Variants in SLCO6A1 observed in about 807,000 individuals in gnomAD.
SLCO6A1 encodes cancer/testis antigen 48.
Under a neutral mutation model 72.7 loss-of-function variants are expected in SLCO6A1, and 65 were observed. The observed-to-expected ratio is 0.89, with a 90% CI of 0.73 to 1.10. SLCO6A1 has a LOEUF of 1.10. SLCO6A1 is among the 50% of genes least tolerant of loss of function. SLCO6A1 has a pLI of 0.00. For missense variants in SLCO6A1, 874 were observed against 872.6 expected (o/e 1.00, Z -0.02); for synonymous variants, 314 against 298.2 (o/e 1.05, Z -0.55).
intron 4 of SLCO6A1, among the ~76,000 whole-genome samples, chr5:102,473,951 G>T (rs2112809047): frequency 6.6e-6 from 1 of 151,966 alleles, no homozygotes; most frequent in South Asian, 2.1e-4. Flanking sequence ...TTTATGGATT[G>T]AACATGATAA....
chr5:102,460,768 T>A (rs1750983878), intron 4 of SLCO6A1, among the ~76,000 whole-genome samples: 1 of 151,806 alleles, frequency 6.6e-6, no homozygotes, highest in Non-Finnish European at 1.5e-5. Flanking sequence ...TTGTTTCTCA[T>A]AGGAATGTAG....
intron 8 of SLCO6A1, among the ~76,000 whole-genome samples, chr5:102,417,077 G>T (rs900567546): frequency 6.6e-6 from 1 of 152,008 alleles, no homozygotes; most frequent in African/African-American, 2.4e-5. Context: ...TGATGAATTG[G>T]TAATTTTATC....
rs1752010870 is a variant in SLCO6A1, at chr5:102,478,207, G to A, written c.617-346C>T. 2.6e-5 allele frequency among the ~76,000 whole-genome samples: 4 copies of A among 152,092 alleles called. No individual in the cohort carries two copies. In the South Asian group the frequency reaches 8.3e-4, roughly 32 times the overall value. On this transcript the variant is annotated intron_variant, in intron 2 of 13. Coordinates refer to ENST00000506729, the MANE Select transcript of SLCO6A1 (RefSeq NM_173488.5). ...ATTGTGTGGGAATCCTGCAAAAGAT[G>A]CATATATTATAAACCAAAACATAAA...
At chr5:102,453,688 C>G (rs1411127122) in intron 6 of SLCO6A1, among the ~76,000 whole-genome samples, 1 of 152,206 alleles carries the variant, frequency 6.6e-6, no homozygotes, top group Admixed American at 6.5e-5. Context: ...TATGCAGCCA[C>G]TGAAGCCTAT....
chr5:102,487,715 G>A (rs970569141), intron 1 of SLCO6A1, among the ~76,000 whole-genome samples: 3 of 152,226 alleles, frequency 2.0e-5, no homozygotes, highest in Admixed American at 2.0e-4. Flanking sequence ...ATTGGGTGGA[G>A]TTAATTTTAG....
At chr5:102,463,886 CA>C (rs1260991401) in intron 4 of SLCO6A1, among the ~76,000 whole-genome samples, 1 of 83,554 alleles carries the variant, frequency 1.2e-5, no homozygotes, top group African/African-American at 4.4e-5. Context: ...AACTCCGTCT[CA>C]AAAAAGAAGA....
At chr5:102,401,587 CAG>C (rs1315724838) in intron 9 of SLCO6A1, among the ~76,000 whole-genome samples, 1 of 152,142 alleles carries the variant, frequency 6.6e-6, no homozygotes, top group East Asian at 1.9e-4. Context: ...TGGCCAAATT[CAG>C]AGTTTACTTT....
Position 102,435,902 on chromosome 5 carries a change from G to A in SLCO6A1, c.1276+2715C>T, listed in dbSNP as rs138306859. 5.5e-3 allele frequency among the ~76,000 whole-genome samples: 833 copies of A among 151,822 alleles called. 4 individuals carry two copies. Among genetic ancestry groups the A allele is most frequent in the African/African-American group, 0.019 (800 of 41,402 alleles). ...AAAAAAAAAAAAAAAGTTATCAGGAGCTGGAGCTGGAGGTTTATAGTGGAT... is the reference window on the plus strand; with the variant it reads ...AAAAAAAAAAAAAAAGTTATCAGGAACTGGAGCTGGAGGTTTATAGTGGAT... On this transcript the variant is annotated intron_variant, in intron 7 of 13. Transcript: ENST00000506729.
At chr5:102,428,849 CT>C (rs1749058010) in intron 7 of SLCO6A1, among the ~76,000 whole-genome samples, 1 of 152,018 alleles carries the variant, frequency 6.6e-6, no homozygotes, top group Non-Finnish European at 1.5e-5. Flanking sequence ...GTAGTTTTGC[CT>C]TTAGCTCTTT....
intron 4 of SLCO6A1, among the ~76,000 whole-genome samples, chr5:102,472,241 T>A (rs1447328160): frequency 3.9e-5 from 6 of 152,116 alleles, no homozygotes; most frequent in South Asian, 4.1e-4. Flanking sequence ...CCTGAAAACT[T>A]ATCTGTTTCC....
chr5:102,395,319 CT>C (rs1323242846), intron 10 of SLCO6A1, among the ~76,000 whole-genome samples: 2 of 152,008 alleles, frequency 1.3e-5, no homozygotes, highest in African/African-American at 4.8e-5. Flanking sequence ...TGATAGTTTG[CT>C]GAGAATGATG....
intron 3 of SLCO6A1, 52 bp from the exon 4 acceptor site, chr5:102,475,845 C>T (rs193284582): frequency 5.8e-6 from 8 of 1,381,770 alleles, no homozygotes; most frequent in South Asian, 3.9e-5. Context: ...AAGCCAGCTT[C>T]GTTATGATAA....
chr5:102,457,342 C>T (rs1218610136), intron 6 of SLCO6A1, among the ~76,000 whole-genome samples: 1 of 149,868 alleles, frequency 6.7e-6, no homozygotes, highest in Non-Finnish European at 1.5e-5. Context: ...AATATTTTTG[C>T]AATCTACTCA....
intron 4 of SLCO6A1, among the ~76,000 whole-genome samples, chr5:102,465,968 C>A (rs1218843060): frequency 3.3e-5 from 5 of 152,114 alleles, no homozygotes; most frequent in African/African-American, 1.2e-4. Flanking sequence ...ATTCCTCCCC[C>A]ACCAGAAACT....
chr5:102,472,922 A>G (rs79596939), intron 4 of SLCO6A1, among the ~76,000 whole-genome samples: 4,290 of 152,072 alleles, frequency 0.028, 166 homozygotes, highest in African/African-American at 0.086. Context: ...TACCAACACT[A>G]AATGATGAAG....
intron 1 of SLCO6A1, among the ~76,000 whole-genome samples, chr5:102,490,456 G>T (rs1752621250): frequency 6.6e-6 from 1 of 152,126 alleles, no homozygotes; most frequent in Non-Finnish European, 1.5e-5. Flanking sequence ...TTGCTATAAA[G>T]AACTACTTGA....
intron 6 of SLCO6A1, among the ~76,000 whole-genome samples, chr5:102,446,070 A>G (rs979694546): frequency 2.0e-5 from 3 of 152,130 alleles, no homozygotes; most frequent in Non-Finnish European, 4.4e-5. Context: ...GATGTTCCAA[A>G]TGAATTCTAG....
At position 102,490,126 on chromosome 5, in the gene SLCO6A1, A is replaced by G. The variant is rs149968829; in HGVS notation, c.358+8361T>C. Reference sequence around the variant, plus strand: ...GATGCACAGAGGTTGGTCAATGAGTACTAAGTTACAGTTAGATAGGAGATA... The same window carrying G: ...GATGCACAGAGGTTGGTCAATGAGTGCTAAGTTACAGTTAGATAGGAGATA... On this transcript the variant is annotated intron_variant, in intron 1 of 13. Coordinates refer to ENST00000506729, the MANE Select transcript of SLCO6A1 (RefSeq NM_173488.5). Among the ~76,000 whole-genome samples, 11 of 152,296 alleles carry G rather than the reference A, an allele frequency of 7.2e-5. No homozygotes were observed. In the East Asian group the frequency reaches 2.1e-3, roughly 29 times the overall value.
intron 1 of SLCO6A1, among the ~76,000 whole-genome samples, chr5:102,484,238 T>C (rs1752338780): frequency 6.6e-6 from 1 of 152,220 alleles, no homozygotes; most frequent in Non-Finnish European, 1.5e-5. Context: ...CTGTTTTCAT[T>C]GACTCCAAGC....
Sources: allele counts gnomAD v4.1 joint callset (sites outside exome capture counted in the v4.1 genomes callset), GRCh38; gene constraint gnomAD v4.1.1; transcripts MANE v1.5; gene names NCBI Gene and HGNC (gene_info 2026-07-23, HGNC 2026-07-21).